Variants in NF1 observed in about 807,000 individuals in gnomAD.
The protein encoded by NF1 is neurofibromin.
Under a neutral mutation model 325.7 loss-of-function variants are expected in NF1, and 122 were observed. That is an observed-to-expected ratio of 0.37 (90% confidence interval 0.32 to 0.44). NF1 has a LOEUF of 0.44. Ranked by LOEUF, NF1 falls within the 20% of genes least tolerant of loss-of-function variation. The pLI is 1.00. For synonymous variants in NF1, 1,091 were observed against 1,186.0 expected, an observed-to-expected ratio of 0.92 and a Z score of 1.65; for missense variants, 2,140 against 3,415.4, an observed-to-expected ratio of 0.63 and a Z score of 9.31.
chr17:31,315,486 C>T (rs775087340), intron 36 of NF1, among the ~76,000 whole-genome samples: 13 of 152,112 alleles, frequency 8.5e-5, no homozygotes, highest in East Asian at 1.9e-4. Context: ...TTTCACGTTG[C>T]GTGACTGTAT....
intron 1 of NF1, among the ~76,000 whole-genome samples, chr17:31,106,576 G>A (rs1912884565): frequency 6.6e-6 from 1 of 151,988 alleles, no homozygotes; most frequent in Admixed American, 6.6e-5. Flanking sequence ...GCAAAATGAG[G>A]GATGTATGAT....
At chr17:31,295,496 G>C in intron 36 of NF1, 1 of 1,614,162 alleles carries the variant, frequency 6.2e-7, no homozygotes. Flanking sequence ...CCCACTTACA[G>C]TGAATAAGCT....
chr17:31,099,915 T>G (rs2143198078), intron 1 of NF1, among the ~76,000 whole-genome samples: 1 of 152,000 alleles, frequency 6.6e-6, no homozygotes, highest in South Asian at 2.1e-4. Context: ...AATTAGAACC[T>G]TCTGTGTATC....
intron 2 of NF1, among the ~76,000 whole-genome samples, chr17:31,157,119 T>C (rs1455709746): frequency 3.3e-5 from 5 of 152,154 alleles, no homozygotes; most frequent in Admixed American, 1.3e-4. Flanking sequence ...CCCCAGTAGC[T>C]GGAATTACAG....
intron 1 of NF1, among the ~76,000 whole-genome samples, chr17:31,099,394 A>G (rs934274438): frequency 6.6e-6 from 1 of 152,144 alleles, no homozygotes; most frequent in Non-Finnish European, 1.5e-5. Flanking sequence ...GAGTATTACC[A>G]ATTTTAGAAG....
intron 57 of NF1, among the ~76,000 whole-genome samples, chr17:31,372,581 G>A (rs1416329263): frequency 6.6e-6 from 1 of 152,062 alleles, no homozygotes; most frequent in Non-Finnish European, 1.5e-5. Flanking sequence ...CCATCCTCAT[G>A]CCCCCTTAAG....
chr17:31,130,800 C>T (rs1169773594), intron 1 of NF1, among the ~76,000 whole-genome samples: 1 of 152,178 alleles, frequency 6.6e-6, no homozygotes, highest in Non-Finnish European at 1.5e-5. Flanking sequence ...TACACCTGTG[C>T]ACACGTGTGG....
chr17:31,136,570 T>A (rs1915799620), intron 1 of NF1: 1 of 152,196 alleles, frequency 6.6e-6, no homozygotes, highest in Admixed American at 6.5e-5. Context: ...AATCATCCCT[T>A]TGTCCAGTGT....
At position 31,233,203 on chromosome 17, in the gene NF1, G is replaced by A. The variant is rs2067145365; in HGVS notation, c.3698G>A (p.Cys1233Tyr). The change falls in exon 27 of 58, where the codon TGT becomes TAT. Residue 1233 changes from cysteine to tyrosine, a missense_variant. By Grantham distance (194) the Cys-to-Tyr change is radical. Around this residue, in one of 10 missense-constraint regions of NF1, gnomAD observed 336 missense variants for 399.0 expected, o/e 0.84. Coordinates refer to ENST00000358273, the MANE Select transcript of NF1 (RefSeq NM_001042492.3). ...IAMALANVVP[C>Y]SQWDELARVL... ...ATGGCTCTGGCCAATGTGGTTCCTT[G>A]TTCTCAGTGGGTAAGTGATTAGAGT... 1 of 1,614,114 alleles carries A rather than the reference G, an allele frequency of 6.2e-7. No individual in the cohort carries two copies. Among genetic ancestry groups the A allele is most frequent in the Non-Finnish European group, 8.5e-7 (1 of 1,179,964 alleles).
chr17:31,283,730 G>A (rs957034173), intron 36 of NF1, among the ~76,000 whole-genome samples: 4 of 152,282 alleles, frequency 2.6e-5, no homozygotes, highest in South Asian at 4.1e-4. Context: ...GGACTCAAAT[G>A]ATCCACCTTG....
intron 1 of NF1, chr17:31,136,682 A>G (rs1298104838): frequency 6.6e-6 from 1 of 152,114 alleles, no homozygotes; most frequent in African/African-American, 2.4e-5. Context: ...GTTAACCCTT[A>G]TTTTATATAG....
At chr17:31,358,222 TTA>T (rs1345131100) in intron 54 of NF1, 2 of 516,710 alleles carry the variant, frequency 3.9e-6, no homozygotes, top group Non-Finnish European at 7.0e-6. Flanking sequence ...TTACACATGG[TTA>T]TATGACACTA....
chr17:31,304,158 T>C (rs2068642827), intron 36 of NF1: 6 of 1,198,662 alleles, frequency 5.0e-6, no homozygotes, highest in Non-Finnish European at 7.0e-6. Flanking sequence ...AGTTCCTGAA[T>C]AAAAATCAAA....
chr17:31,106,260 C>T (rs897419560), intron 1 of NF1, among the ~76,000 whole-genome samples: 7 of 152,112 alleles, frequency 4.6e-5, no homozygotes, highest in African/African-American at 4.8e-5. Flanking sequence ...TGATACTTAC[C>T]CTTCTCACAT....
At chr17:31,118,938 C>CTTT (rs35974893) in intron 1 of NF1, among the ~76,000 whole-genome samples, 4 of 146,378 alleles carry the variant, frequency 2.7e-5, no homozygotes, top group African/African-American at 5.0e-5. Flanking sequence ...GTCTCTCTCT[C>CTTT]TTTTTTTTTT....
chr17:31,260,585 A>G (rs2067667851), intron 34 of NF1, 70 bp downstream of exon 34: 2 of 1,535,320 alleles, frequency 1.3e-6, no homozygotes, highest in Admixed American at 3.3e-5. Context: ...ATTATTGGTC[A>G]TGAATAGTGC....
chr17:31,162,035 C>CAAAAAAA (rs781244510), intron 3 of NF1, among the ~76,000 whole-genome samples: 7 of 54,126 alleles, frequency 1.3e-4, no homozygotes, highest in Admixed American at 2.6e-4. Context: ...GACTCCATCT[C>CAAAAAAA]AAAAAAAAAA....
intron 36 of NF1, among the ~76,000 whole-genome samples, chr17:31,307,501 T>C (rs2068755810): frequency 6.6e-6 from 1 of 152,186 alleles, no homozygotes; most frequent in African/African-American, 2.4e-5. Context: ...AAGGCACATA[T>C]GAAAGTTTGG....
chr17:31,159,914 G>T (rs1567816445), intron 3 of NF1, among the ~76,000 whole-genome samples: 1 of 151,970 alleles, frequency 6.6e-6, no homozygotes, highest in Non-Finnish European at 1.5e-5. Context: ...CACATATGTT[G>T]CAGTTCTCTA....
Sources: allele counts gnomAD v4.1 joint callset (sites outside exome capture counted in the v4.1 genomes callset), GRCh38; gene constraint gnomAD v4.1.1; regional missense constraint gnomAD v4.1.1; transcripts MANE v1.5; gene names NCBI Gene and HGNC (gene_info 2026-07-23, HGNC 2026-07-21).